The following ZNF385D variants were observed in gnomAD, a reference collection of about 807,000 sequenced individuals.
ZNF385D encodes zinc finger protein 385D.
In ZNF385D, 15 loss-of-function variants were observed where a neutral mutation model predicts 35.8. The ratio of observed to expected loss-of-function variants is 0.42; its 90% CI spans 0.28 to 0.64. ZNF385D has a LOEUF of 0.64. Ranked by LOEUF, ZNF385D falls within the 30% of genes least tolerant of loss-of-function variation. The pLI is 0.23. For synonymous variants in ZNF385D, 212 were observed against 186.8 expected (o/e 1.13, Z -1.10); for missense variants, 474 against 494.6 (o/e 0.96, Z 0.39).
At chr3:21,607,479 A>G (rs1021910571) in intron 2 of ZNF385D, among the ~76,000 whole-genome samples, 1 of 150,098 alleles carries the variant, frequency 6.7e-6, no homozygotes, top group African/African-American at 2.5e-5. Flanking sequence ...CTACTGCTCT[A>G]TCATTATCAT....
intron 2 of ZNF385D, among the ~76,000 whole-genome samples, chr3:21,583,259 T>G (rs947735130): frequency 3.3e-5 from 5 of 152,156 alleles, no homozygotes; most frequent in Non-Finnish European, 7.3e-5. Flanking sequence ...CCAAGTAGTT[T>G]CCCATGAGCA....
intron 2 of ZNF385D, among the ~76,000 whole-genome samples, chr3:22,361,493 A>G (rs56737762): frequency 0.029 from 4,392 of 152,118 alleles, 214 homozygotes; most frequent in African/African-American, 0.1. Flanking sequence ...CTTCACATCA[A>G]ATCTGACTGT....
At position 21,539,843 on chromosome 3, in the gene ZNF385D, AAC is replaced by A. The variant is rs1308531855; in HGVS notation, c.276+24729_276+24730del. On this transcript the variant is annotated intron_variant, in intron 3 of 7. Coordinates refer to ENST00000281523, the MANE Select transcript of ZNF385D (RefSeq NM_024697.3). This position sits in a 1 kb window ranked among gnomAD's most constrained non-coding sequence, Gnocchi z 4.0. ...AGAAATAAGAAATATTTTTACTACAAACACAGCATAAGAGTAATGCTGATTTT... is the reference window on the plus strand; with the variant it reads ...AGAAATAAGAAATATTTTTACTACAAACAGCATAAGAGTAATGCTGATTTT... 6.6e-6 allele frequency among the ~76,000 whole-genome samples: 1 copy of A among 152,268 alleles called. No homozygotes were observed. The highest frequency in any genetic ancestry group is 2.1e-4 in the South Asian group (1 of 4,824).
At chr3:21,951,196 A>G (rs933209938) in intron 3 of ZNF385D, among the ~76,000 whole-genome samples, 1 of 151,526 alleles carries the variant, frequency 6.6e-6, no homozygotes, top group South Asian at 2.1e-4. Flanking sequence ...TGTTTTTCCA[A>G]TTGTTTCTGT....
chr3:22,044,762 T>A (rs1433171863), intron 3 of ZNF385D, among the ~76,000 whole-genome samples: 1 of 152,136 alleles, frequency 6.6e-6, no homozygotes, highest in Non-Finnish European at 1.5e-5. Flanking sequence ...GGGAGTCTTT[T>A]CTTCCAAGAT....
chr3:21,671,793 A>AGGAG (rs2066584195), intron 1 of ZNF385D, among the ~76,000 whole-genome samples: 1 of 152,154 alleles, frequency 6.6e-6, no homozygotes, highest in South Asian at 2.1e-4. Flanking sequence ...GAAGGAAGGA[A>AGGAG]AGAAGGGTCA....
chr3:22,367,003 T>C (rs186335213), intron 2 of ZNF385D, among the ~76,000 whole-genome samples: 1 of 152,282 alleles, frequency 6.6e-6, no homozygotes, highest in Admixed American at 6.5e-5. Context: ...CATCTGGCTT[T>C]TGGCCAGTGA....
chr3:21,611,407 A>G (rs1252146055), intron 2 of ZNF385D, among the ~76,000 whole-genome samples: 1 of 152,130 alleles, frequency 6.6e-6, no homozygotes, highest in African/African-American at 2.4e-5. Flanking sequence ...GCAAAAACAA[A>G]CAAACAAAAA....
intron 4 of ZNF385D, among the ~76,000 whole-genome samples, chr3:21,496,475 C>CACAT (rs1705880360): frequency 2.5e-5 from 3 of 118,384 alleles, no homozygotes; most frequent in African/African-American, 6.1e-5. Context: ...CATATATATA[C>CACAT]ATATATACAC....
At chr3:21,743,668 C>G (rs1291530505) in intron 1 of ZNF385D, among the ~76,000 whole-genome samples, 1 of 152,170 alleles carries the variant, frequency 6.6e-6, no homozygotes, top group African/African-American at 2.4e-5. Flanking sequence ...GGGTTCCACC[C>G]AAATGGCTTC....
chr3:21,974,308 G>A (rs1703458067), intron 3 of ZNF385D, among the ~76,000 whole-genome samples: 1 of 151,906 alleles, frequency 6.6e-6, no homozygotes, highest in African/African-American at 2.4e-5. Flanking sequence ...AAGGTACCAA[G>A]AACACACAAT....
chr3:21,896,393 A>G (rs1180948064), intron 3 of ZNF385D, among the ~76,000 whole-genome samples: 1 of 152,164 alleles, frequency 6.6e-6, no homozygotes, highest in African/African-American at 2.4e-5. Flanking sequence ...AAAAAACAAA[A>G]TAAAACAAAA....
intron 2 of ZNF385D, among the ~76,000 whole-genome samples, chr3:21,597,123 G>T (rs1429311087): frequency 6.6e-6 from 1 of 152,042 alleles, no homozygotes; most frequent in Non-Finnish European, 1.5e-5. Flanking sequence ...TCTAAATAGG[G>T]TTTGTTTTAA....
At chr3:21,718,102 C>G (rs1477841145) in intron 1 of ZNF385D, among the ~76,000 whole-genome samples, 2 of 152,196 alleles carry the variant, frequency 1.3e-5, no homozygotes, top group African/African-American at 4.8e-5. Flanking sequence ...TTTTAAATCA[C>G]TAGGCTAAAT....
chr3:22,364,775 A>AT (rs1400628495), intron 2 of ZNF385D, among the ~76,000 whole-genome samples: 3 of 152,084 alleles, frequency 2.0e-5, no homozygotes, highest in Admixed American at 2.0e-4. Flanking sequence ...GTCTTAAGGG[A>AT]TATCTGTGCA....
intron 1 of ZNF385D, among the ~76,000 whole-genome samples, chr3:21,711,039 G>GTTTTTTTGTTTTTT (rs2068083310): frequency 1.2e-5 from 1 of 83,154 alleles, no homozygotes; most frequent in Non-Finnish European, 2.1e-5. Context: ...CCCTCTAAAA[G>GTTTTTTTGTTTTTT]TTTTTTTTTT....
intron 2 of ZNF385D, among the ~76,000 whole-genome samples, chr3:22,347,073 G>C (rs191890202): frequency 3.7e-4 from 57 of 152,008 alleles, no homozygotes; most frequent in African/African-American, 1.4e-3. Flanking sequence ...GTAAGACACT[G>C]CAAAAATGAA....
At chr3:22,138,397 C>T (rs1704288398) in intron 3 of ZNF385D, among the ~76,000 whole-genome samples, 1 of 152,102 alleles carries the variant, frequency 6.6e-6, no homozygotes, top group South Asian at 2.1e-4. Flanking sequence ...GGAGGCATCA[C>T]ACTACCTGAC....
At chr3:21,834,864 G>A (rs1448911564) in intron 3 of ZNF385D, among the ~76,000 whole-genome samples, 1 of 152,118 alleles carries the variant, frequency 6.6e-6, no homozygotes, top group Non-Finnish European at 1.5e-5. Flanking sequence ...TCCCCCTTGT[G>A]AAGAAGGTGC....
Sources: gnomAD v4.1 joint callset for allele counts (sites outside exome capture counted in the v4.1 genomes callset) on GRCh38, gnomAD v4.1.1 for gene constraint, Gnocchi (gnomAD v3.1) non-coding constraint, MANE v1.5 for transcripts, NCBI Gene and HGNC (gene_info 2026-07-23, HGNC 2026-07-21) for gene names.